The following STAU2 variants were observed in gnomAD, a reference collection of about 807,000 sequenced individuals.
STAU2 encodes double-stranded RNA-binding protein Staufen homolog 2.
STAU2 carries 20 observed loss-of-function variants against 65.9 expected under a neutral mutation model. The ratio of observed to expected loss-of-function variants is 0.30; its 90% CI spans 0.21 to 0.44. The LOEUF (loss-of-function observed/expected upper bound fraction) is 0.44. Ranked by LOEUF, STAU2 falls within the 20% of genes least tolerant of loss-of-function variation. The pLI, the probability that STAU2 is intolerant of heterozygous loss-of-function variation, is 1.00. For missense variants in STAU2, 558 were observed against 683.9 expected, an observed-to-expected ratio of 0.82 and a Z score of 2.05; for synonymous variants, 232 against 233.9, an observed-to-expected ratio of 0.99 and a Z score of 0.07.
chr8:73,611,496 A>G (rs1160808489), intron 9 of STAU2, among the ~76,000 whole-genome samples: 1 of 152,168 alleles, frequency 6.6e-6, no homozygotes, highest in East Asian at 1.9e-4. Flanking sequence ...TGGAAGCAGT[A>G]GCAAATAACT....
intron 5 of STAU2, among the ~76,000 whole-genome samples, chr8:73,684,090 C>T (rs182363580): frequency 2.3e-4 from 35 of 152,220 alleles, no homozygotes; most frequent in Admixed American, 4.6e-4. Flanking sequence ...TCATTTTTCA[C>T]ACTACTAGAA....
At chr8:73,662,387 C>A (rs1412735786) in intron 6 of STAU2, among the ~76,000 whole-genome samples, 1 of 151,836 alleles carries the variant, frequency 6.6e-6, no homozygotes, top group African/African-American at 2.4e-5. Flanking sequence ...TATAATTTCT[C>A]AATTTTTTCA....
At chr8:73,651,393 T>C (rs1586194966) in intron 6 of STAU2, 4 of 666,208 alleles carry the variant, frequency 6.0e-6, no homozygotes, top group East Asian at 5.9e-5. Context: ...GCCAGGGAAA[T>C]GCAGCTGTCG....
chr8:73,426,811 C>G (rs2128880117), intron 13 of STAU2, among the ~76,000 whole-genome samples: 1 of 152,208 alleles, frequency 6.6e-6, no homozygotes, highest in Middle Eastern at 3.4e-3. Flanking sequence ...TGTGTGATAC[C>G]AACACTGCAT....
At chr8:73,633,166 G>A (rs914962916) in intron 6 of STAU2, among the ~76,000 whole-genome samples, 1 of 152,124 alleles carries the variant, frequency 6.6e-6, no homozygotes, top group African/African-American at 2.4e-5. Flanking sequence ...ACTATATGCC[G>A]GCACTGAGCA....
chr8:73,698,689 C>A (rs1002113067), intron 4 of STAU2, among the ~76,000 whole-genome samples: 13 of 151,832 alleles, frequency 8.6e-5, no homozygotes, highest in African/African-American at 3.1e-4. Flanking sequence ...GAAAGACAGA[C>A]CCCAATACAA....
intron 13 of STAU2, among the ~76,000 whole-genome samples, chr8:73,547,435 G>A (rs1438293951): frequency 6.6e-6 from 1 of 151,908 alleles, no homozygotes; most frequent in Non-Finnish European, 1.5e-5. Flanking sequence ...TGTGTGTTAT[G>A]TTTGCATATC....
chr8:73,424,496 C>A (rs1011126679), intron 13 of STAU2, among the ~76,000 whole-genome samples: 2 of 152,042 alleles, frequency 1.3e-5, no homozygotes, highest in Admixed American at 1.3e-4. Flanking sequence ...CCACTGCACC[C>A]GGCCCCTCTT....
intron 3 of STAU2, among the ~76,000 whole-genome samples, chr8:73,724,730 C>G (rs1257273822): frequency 1.3e-5 from 2 of 150,502 alleles, no homozygotes; most frequent in Non-Finnish European, 2.9e-5. Flanking sequence ...CACTCTGTCA[C>G]CCAGACTAGA....
chr8:73,710,211 C>T (rs913048388), intron 3 of STAU2, among the ~76,000 whole-genome samples: 6 of 151,842 alleles, frequency 4.0e-5, no homozygotes, highest in South Asian at 2.1e-4. Flanking sequence ...AACAGTATCC[C>T]ATTATTGTTC....
At chr8:73,568,444 G>A (rs146181730) in intron 12 of STAU2, among the ~76,000 whole-genome samples, 39 of 152,192 alleles carry the variant, frequency 2.6e-4, no homozygotes, top group African/African-American at 8.9e-4. Flanking sequence ...CTAGTCGGGG[G>A]AGTGGGGGCA....
chr8:73,467,971 A>C (rs544046414), intron 13 of STAU2, among the ~76,000 whole-genome samples: 1 of 152,214 alleles, frequency 6.6e-6, no homozygotes, highest in Non-Finnish European at 1.5e-5. Flanking sequence ...GTTCATATGC[A>C]ACCAAAAAAG....
intron 6 of STAU2, among the ~76,000 whole-genome samples, chr8:73,627,464 A>C (rs1216991248): frequency 6.6e-6 from 1 of 152,086 alleles, no homozygotes; most frequent in Admixed American, 6.5e-5. Context: ...CTGTTTGTGA[A>C]TACAAAGGCT....
intron 6 of STAU2, among the ~76,000 whole-genome samples, chr8:73,642,507 G>A (rs2130139319): frequency 6.7e-6 from 1 of 149,636 alleles, no homozygotes; most frequent in Non-Finnish European, 1.5e-5. Context: ...TGGCGACAGA[G>A]CAAGACTCCG....
chr8:73,591,903 A>AAAAAAAAAAAAAAAAAAAAAAAAG (rs1810827073), intron 11 of STAU2, among the ~76,000 whole-genome samples: 1 of 142,352 alleles, frequency 7.0e-6, no homozygotes, highest in East Asian at 2.0e-4. Context: ...AAAAAAAAAA[A>AAAAAAAAAAAAAAAAAAAAAAAAG]AAAAAAAAAA....
chr8:73,746,811 C>A lies in STAU2; in HGVS notation c.-225G>T. 2 of 1,232,010 alleles carry A rather than the reference C, an allele frequency of 1.6e-6. No individual in the cohort carries two copies. The highest frequency in any genetic ancestry group is 2.0e-6 in the Non-Finnish European group (2 of 986,954). 76.3% of individuals were successfully genotyped at this position (1,232,010 alleles called of 1,614,324 possible). A position where few individuals can be genotyped will look rare whatever the true frequency, so the allele number is the denominator to read the frequency against. Reference sequence around the variant, plus strand: ...CTTGCCGGGGACACTTTGCAGACGGCTCCAACATTGGCAAACACTACAGAG... The same window carrying A: ...CTTGCCGGGGACACTTTGCAGACGGATCCAACATTGGCAAACACTACAGAG... On this transcript the variant is annotated 5_prime_UTR_variant, in exon 1 of 15. Coordinates refer to ENST00000524300, the MANE Select transcript of STAU2 (RefSeq NM_001164380.2).
At chr8:73,434,838 C>T (rs1311492907) in intron 13 of STAU2, among the ~76,000 whole-genome samples, 7 of 151,846 alleles carry the variant, frequency 4.6e-5, no homozygotes, top group Middle Eastern at 3.2e-3. Flanking sequence ...ACTTGTCTTC[C>T]TAAGAGAATC....
rs940780907 is a variant in STAU2 at position 73,603,784 on chromosome 8, G to A, written c.971C>T (p.Pro324Leu). The A allele has an allele frequency of 1.1e-5, 18 of 1,611,840 alleles. No homozygotes were observed. Among genetic ancestry groups the A allele is most frequent in the South Asian group, 3.3e-5 (3 of 90,914 alleles). The change falls in exon 10 of 15, where the codon CCG becomes CTG. Residue 324 changes from proline to leucine, a missense_variant. By Grantham distance (98) the Pro-to-Leu change is moderately conservative (BLOSUM62 -3). This residue lies in a region of STAU2 where 199 missense variants were observed against 299.5 expected (regional missense o/e 0.66). Coordinates refer to ENST00000524300, the MANE Select transcript of STAU2 (RefSeq NM_001164380.2). ...TCTTTCTGAAAGCAAAACATAATCC[G>A]GCTCCTTTTCCTTTTTGGCCTGTTG... is the stretch of plus-strand genomic sequence containing the variant. ...QIQQAKKEKE[P>L]DYVLLSERGM...
chr8:73,584,536 C>T (rs1006030621), intron 11 of STAU2, among the ~76,000 whole-genome samples: 3 of 152,186 alleles, frequency 2.0e-5, no homozygotes, highest in Admixed American at 6.5e-5. Flanking sequence ...CCTGTAATTA[C>T]TCTAAGGTCA....
Sources: gnomAD v4.1 joint callset for allele counts (sites outside exome capture counted in the v4.1 genomes callset) on GRCh38, gnomAD v4.1.1 for gene constraint, gnomAD v4.1.1 regional missense constraint, MANE v1.5 for transcripts, NCBI Gene and HGNC (gene_info 2026-07-23, HGNC 2026-07-21) for gene names.